The following LRRTM4 variants were observed in gnomAD, a reference collection of about 807,000 sequenced individuals.
The protein encoded by LRRTM4 is leucine-rich repeat transmembrane neuronal protein 4.
LRRTM4 carries 25 observed loss-of-function variants against 47.6 expected under a neutral mutation model. That is an observed-to-expected ratio of 0.53 (90% CI 0.38 to 0.73). The LOEUF (loss-of-function observed/expected upper bound fraction) is 0.73, where lower values mean the gene tolerates loss of function less well. LRRTM4 is among the 30% of genes least tolerant of loss of function. The pLI, the probability that LRRTM4 is intolerant of heterozygous loss-of-function variation, is 0.00. For synonymous variants in LRRTM4, 311 were observed against 269.5 expected (o/e 1.15, Z -1.51); for missense variants, 638 against 713.4 (o/e 0.89, Z 1.20).
intron 3 of LRRTM4, among the ~76,000 whole-genome samples, chr2:77,120,554 G>A (rs1478035240): frequency 6.6e-6 from 1 of 151,656 alleles, no homozygotes; most frequent in Non-Finnish European, 1.5e-5. Flanking sequence ...AGCTACATAA[G>A]GTTTTCAAAT....
intron 3 of LRRTM4, among the ~76,000 whole-genome samples, chr2:76,877,391 GAATT>G (rs1040749608): frequency 1.3e-5 from 2 of 151,406 alleles, no homozygotes; most frequent in Non-Finnish European, 3.0e-5. Flanking sequence ...TTTTTTTCAG[GAATT>G]AATGACTATT....
At chr2:76,903,478 G>C (rs1673714641) in intron 3 of LRRTM4, among the ~76,000 whole-genome samples, 1 of 152,158 alleles carries the variant, frequency 6.6e-6, no homozygotes, top group Non-Finnish European at 1.5e-5. Context: ...TGAGTGTGTA[G>C]TGAGCCGAGA....
intron 3 of LRRTM4, among the ~76,000 whole-genome samples, chr2:76,985,651 C>A (rs1314833192): frequency 3.3e-5 from 5 of 151,854 alleles, no homozygotes; most frequent in Non-Finnish European, 7.4e-5. Flanking sequence ...GTTAAGGAAT[C>A]CAGGAAGTTA....
chr2:77,458,108 T>C (rs553011057), intron 3 of LRRTM4, among the ~76,000 whole-genome samples: 2 of 152,262 alleles, frequency 1.3e-5, no homozygotes, highest in Admixed American at 1.3e-4. Flanking sequence ...CTTGCATATG[T>C]CCAATATTTT....
At chr2:76,768,615 A>G (rs913043115) in intron 3 of LRRTM4, among the ~76,000 whole-genome samples, 3 of 152,190 alleles carry the variant, frequency 2.0e-5, no homozygotes, top group African/African-American at 7.2e-5. Context: ...GGAAAGAGTT[A>G]GGACTGGAAG....
chr2:76,877,991 T>C (rs1379728675), intron 3 of LRRTM4, among the ~76,000 whole-genome samples: 2 of 152,202 alleles, frequency 1.3e-5, no homozygotes, highest in Non-Finnish European at 1.5e-5. Flanking sequence ...TTGTTTTTAA[T>C]ACATTGAAGA....
intron 3 of LRRTM4, among the ~76,000 whole-genome samples, chr2:76,890,899 G>C (rs183220858): frequency 6.6e-6 from 1 of 151,972 alleles, no homozygotes; most frequent in Middle Eastern, 3.4e-3. Context: ...GTACAGAGGC[G>C]TAACAGTTGC....
intron 3 of LRRTM4, among the ~76,000 whole-genome samples, chr2:77,330,884 A>C (rs557762643): frequency 6.6e-6 from 1 of 152,276 alleles, no homozygotes; most frequent in African/African-American, 2.4e-5. Flanking sequence ...AATGCTTCTT[A>C]AGTTATGGGT....
chr2:77,083,040 A>G lies in LRRTM4; in HGVS notation c.1552-334124T>C, dbSNP rs79671132. Among the ~76,000 whole-genome samples the G allele has an allele frequency of 2.3e-3, 347 of 152,298 alleles. 2 individuals are homozygous for G. The highest frequency in any genetic ancestry group is 7.9e-3 in the African/African-American group (327 of 41,568). The stretch of plus-strand genomic sequence containing the variant: ...ATTTATAACTTTTAAATATATCAGT[A>G]TACACTTCTGATCTATATTAAAAAC... On this transcript the variant is annotated intron_variant, in intron 3 of 3. Transcript: ENST00000409884.
intron 3 of LRRTM4, among the ~76,000 whole-genome samples, chr2:77,343,172 G>A (rs982673336): frequency 6.6e-6 from 1 of 151,920 alleles, no homozygotes. Flanking sequence ...TTGAGTTTCT[G>A]TCACTTGCAA....
intron 3 of LRRTM4, among the ~76,000 whole-genome samples, chr2:77,464,457 C>T (rs2103978617): frequency 6.6e-6 from 1 of 151,984 alleles, no homozygotes; most frequent in South Asian, 2.1e-4. Flanking sequence ...TCTAATATCT[C>T]TAACATGTTA....
chr2:76,912,930 T>C (rs1361527174), intron 3 of LRRTM4, among the ~76,000 whole-genome samples: 1 of 152,190 alleles, frequency 6.6e-6, no homozygotes, highest in Non-Finnish European at 1.5e-5. Flanking sequence ...CTGTACAGCC[T>C]GCAGAACTAT....
At chr2:77,252,558 AC>A (rs1030028184) in intron 3 of LRRTM4, among the ~76,000 whole-genome samples, 1 of 152,114 alleles carries the variant, frequency 6.6e-6, no homozygotes, top group Non-Finnish European at 1.5e-5. Context: ...GTGAATTTAA[AC>A]TTTTTTGTTT....
intron 3 of LRRTM4, among the ~76,000 whole-genome samples, chr2:76,993,584 A>G (rs1677089002): frequency 6.6e-6 from 1 of 151,990 alleles, no homozygotes. Flanking sequence ...CAGAATGGCT[A>G]TTATTAAAAA....
intron 3 of LRRTM4, among the ~76,000 whole-genome samples, chr2:77,148,204 G>T (rs898671368): frequency 6.6e-6 from 1 of 152,066 alleles, no homozygotes; most frequent in Admixed American, 6.6e-5. Flanking sequence ...TAGGTAATTA[G>T]CTTTTCCTTG....
Position 76,993,746 on chromosome 2 carries a change from A to G in LRRTM4, c.1552-244830T>C, listed in dbSNP as rs529314690. ...AACTACTATTCCACCCAGCAGTCCC[A>G]ACAATGGGTATGTATCTAAAGGGAA... On this transcript the variant is annotated intron_variant, in intron 3 of 3. Coordinates refer to ENST00000409884, the MANE Select transcript of LRRTM4 (RefSeq NM_001134745.3). Among the ~76,000 whole-genome samples the G allele has an allele frequency of 2.6e-5, 4 of 152,066 alleles. No homozygotes were observed. In the South Asian group the frequency reaches 8.3e-4, roughly 31 times the overall value.
chr2:76,896,375 A>G (rs1673417667), intron 3 of LRRTM4, among the ~76,000 whole-genome samples: 1 of 152,098 alleles, frequency 6.6e-6, no homozygotes, highest in South Asian at 2.1e-4. Context: ...CTTGAGTGCA[A>G]AAATGACAGT....
chr2:77,305,047 A>G (rs949398898), intron 3 of LRRTM4, among the ~76,000 whole-genome samples: 1 of 152,088 alleles, frequency 6.6e-6, no homozygotes. Flanking sequence ...ATGTATATGT[A>G]TGAGAAAAAG....
chr2:77,445,885 T>A (rs1676032235), intron 3 of LRRTM4, among the ~76,000 whole-genome samples: 3 of 152,026 alleles, frequency 2.0e-5, no homozygotes. Context: ...AAGTAAAACC[T>A]GCAAAAATAG....
Sources: allele counts gnomAD v4.1 joint callset (sites outside exome capture counted in the v4.1 genomes callset), GRCh38; gene constraint gnomAD v4.1.1; transcripts MANE v1.5; gene names NCBI Gene and HGNC (gene_info 2026-07-23, HGNC 2026-07-21).